TRIP11: variants seen among roughly 807,000 people sequenced by gnomAD.
TRIP11 encodes thyroid receptor-interacting protein 11.
TRIP11 carries 148 observed loss-of-function variants against 223.1 expected under a neutral mutation model. That is an observed-to-expected ratio of 0.66 (90% CI 0.58 to 0.76). The LOEUF (loss-of-function observed/expected upper bound fraction) is 0.76. TRIP11 is among the 30% of genes least tolerant of loss of function. The pLI is 0.00. For synonymous variants in TRIP11, 762 were observed against 772.6 expected (o/e 0.99, Z 0.23); for missense variants, 2,043 against 2,222.0 (o/e 0.92, Z 1.62).
chr14:92,013,324 T>C (rs531278945), intron 7 of TRIP11, among the ~76,000 whole-genome samples: 1 of 152,206 alleles, frequency 6.6e-6, no homozygotes, highest in South Asian at 2.1e-4. Context: ...CTAGACACTA[T>C]CCTAAAGAGC....
chr14:92,020,093 C>CA (rs2140135709), intron 4 of TRIP11, among the ~76,000 whole-genome samples: 1 of 151,718 alleles, frequency 6.6e-6, no homozygotes, highest in African/African-American at 2.4e-5. Flanking sequence ...ACTAAAAGTA[C>CA]AAAAAAACAT....
intron 2 of TRIP11, among the ~76,000 whole-genome samples, chr14:92,029,958 G>A (rs567447468): frequency 1.3e-3 from 203 of 152,160 alleles, no homozygotes; most frequent in Non-Finnish European, 2.0e-3. Flanking sequence ...AGCACTTTGG[G>A]AGGCCGAGGC....
At chr14:92,035,150 CA>C (rs372782885) in intron 1 of TRIP11, among the ~76,000 whole-genome samples, 32 of 134,300 alleles carry the variant, frequency 2.4e-4, no homozygotes, top group African/African-American at 2.5e-4. Context: ...ACTAAAAATA[CA>C]AAAAAAAAAA....
intron 3 of TRIP11, among the ~76,000 whole-genome samples, chr14:92,024,603 C>T (rs974441013): frequency 6.6e-6 from 1 of 152,142 alleles, no homozygotes; most frequent in South Asian, 2.1e-4. Context: ...GAAAGCATGA[C>T]ACCTAAATTT....
intron 6 of TRIP11, 113 bp downstream of exon 6, chr14:92,015,583 G>A (rs181509166): frequency 9.9e-6 from 8 of 808,438 alleles, no homozygotes; most frequent in East Asian, 3.0e-5. Flanking sequence ...GCTTGAACCC[G>A]GGGGGCGGAG....
At chr14:91,983,912 C>T (rs1306838245) in intron 16 of TRIP11, among the ~76,000 whole-genome samples, 1 of 152,116 alleles carries the variant, frequency 6.6e-6, no homozygotes, top group African/African-American at 2.4e-5. Flanking sequence ...AAAGGTAGTT[C>T]CACGAAAAAT....
intron 15 of TRIP11, among the ~76,000 whole-genome samples, chr14:91,993,353 G>C (rs1384094023): frequency 6.6e-6 from 1 of 151,616 alleles, no homozygotes; most frequent in Non-Finnish European, 1.5e-5. Context: ...GTGCACGCCT[G>C]TAATCCCAGC....
Position 91,969,876 on chromosome 14 carries a change from A to G in TRIP11, c.5737T>C (p.Ser1913Pro), listed in dbSNP as rs1322367591. Residue 1913 changes from serine to proline, a missense_variant, in exon 21 of 21, where the codon TCT becomes CCT. Physicochemically the swap from Ser to Pro is moderately conservative, Grantham distance 74. Coordinates refer to ENST00000267622, the MANE Select transcript of TRIP11 (RefSeq NM_004239.4). ...ESFKDTAESR[S>P]GRRTDVNPFL... ...GGATTTACATCTGTTCTTCTACCAGACCTGGATTCTGCTGTATCTAAAGAA... is the reference window on the plus strand; with the variant it reads ...GGATTTACATCTGTTCTTCTACCAGGCCTGGATTCTGCTGTATCTAAAGAA... 6.2e-7 allele frequency: 1 copy of G among 1,614,090 alleles called. No individual in the cohort carries two copies. The highest frequency in any genetic ancestry group is 8.5e-7 in the Non-Finnish European group (1 of 1,179,988).
chr14:92,026,536 C>T (rs557540871), intron 2 of TRIP11: 3 of 1,220,362 alleles, frequency 2.5e-6, no homozygotes, highest in South Asian at 2.4e-5. Flanking sequence ...CTTTTTAATC[C>T]CCTGCATCGG....
rs2140074048 is a variant in TRIP11 at position 91,966,528 on chromosome 14, C to A, written c.*3145G>T. The A allele has an allele frequency of 5.0e-6, 1 of 199,570 alleles. No homozygotes were observed. Among genetic ancestry groups the A allele is most frequent in the Non-Finnish European group, 1.0e-5 (1 of 96,606 alleles). The allele number at this position is 199,570 out of a possible 1,614,324, so 12.4% of individuals were successfully genotyped here. On this transcript the variant is annotated 3_prime_UTR_variant, in exon 21 of 21. Coordinates refer to ENST00000267622, the MANE Select transcript of TRIP11 (RefSeq NM_004239.4). Reference sequence around the variant, plus strand: ...TCCCTGAAGACATAGCTTTTCCCCCCATTGATTGGATAAGTATTTTGATAG... The same window carrying A: ...TCCCTGAAGACATAGCTTTTCCCCCAATTGATTGGATAAGTATTTTGATAG...
chr14:92,027,448 T>G (rs1042648453), intron 2 of TRIP11, among the ~76,000 whole-genome samples: 60 of 152,078 alleles, frequency 3.9e-4, no homozygotes, highest in African/African-American at 1.3e-3. Context: ...AAAGGTTTCT[T>G]TTTTTTCCTT....
chr14:91,999,895 T>A (rs192011055), intron 12 of TRIP11, 73 bp downstream of exon 12: 2 of 1,585,350 alleles, frequency 1.3e-6, no homozygotes, highest in East Asian at 4.5e-5. Context: ...TTTTCACTGA[T>A]CACCTTTCCA....
At chr14:92,012,680 A>C (rs1160865447) in intron 7 of TRIP11, among the ~76,000 whole-genome samples, 1 of 152,240 alleles carries the variant, frequency 6.6e-6, no homozygotes, top group African/African-American at 2.4e-5. Context: ...ATGCAAGGGT[A>C]ACAGAGTGAA....
chr14:91,971,271 G>A (rs1026341007), intron 20 of TRIP11, among the ~76,000 whole-genome samples: 1 of 152,152 alleles, frequency 6.6e-6, no homozygotes, highest in African/African-American at 2.4e-5. Context: ...TGTCAAATCT[G>A]CTTATCATTG....
chr14:92,003,839 G>A lies in TRIP11; in HGVS notation c.4137C>T (p.Ala1379=), dbSNP rs757389502. The part of the protein sequence containing the change: ...NNHRLSDSIA[A]TSELERKEHE... ...GTTCTTTTCTTTCTAGCTCTGAGGTGGCAGCAATCGAATCAGACAATCTGT... is the reference window on the plus strand; with the variant it reads ...GTTCTTTTCTTTCTAGCTCTGAGGTAGCAGCAATCGAATCAGACAATCTGT... Residue 1379 remains alanine, a synonymous_variant, in exon 11 of 21, where the codon GCC becomes GCT. Coordinates refer to ENST00000267622, the MANE Select transcript of TRIP11 (RefSeq NM_004239.4). The A allele has an allele frequency of 4.3e-6, 7 of 1,613,890 alleles. No individual in the cohort carries two copies. The South Asian group carries it at 7.7e-5, about 18-fold the overall frequency.
At chr14:92,029,282 T>TA (rs2057231074) in intron 2 of TRIP11, among the ~76,000 whole-genome samples, 10 of 15,256 alleles carry the variant, frequency 6.6e-4, no homozygotes, top group East Asian at 2.1e-3. Flanking sequence ...AAAGTATTAT[T>TA]TTTTTTTTTT....
chr14:91,983,965 T>C (rs951856888), intron 16 of TRIP11, among the ~76,000 whole-genome samples: 3 of 152,244 alleles, frequency 2.0e-5, no homozygotes, highest in Non-Finnish European at 2.9e-5. Flanking sequence ...AACATGTTTT[T>C]ATGCTTCATA....
At chr14:91,988,699 A>T (rs563753807) in intron 15 of TRIP11, among the ~76,000 whole-genome samples, 129 of 152,146 alleles carry the variant, frequency 8.5e-4, no homozygotes, top group Non-Finnish European at 1.5e-3. Context: ...GAAGTCCAGA[A>T]ATATAGCAAC....
chr14:91,968,370 A>T lies in TRIP11; in HGVS notation c.*1303T>A. ...TGATGGGTTTATGAAAAATTAAAGA[A>T]ATACTTTCTTAAGTTTCAAACATCT... On this transcript the variant is annotated 3_prime_UTR_variant, in exon 21 of 21. Coordinates refer to ENST00000267622, the MANE Select transcript of TRIP11 (RefSeq NM_004239.4). 1 of 205,768 alleles carries T rather than the reference A, an allele frequency of 4.9e-6. No individual in the cohort carries two copies. The highest frequency in any genetic ancestry group is 7.5e-5 in the East Asian group (1 of 13,412). The allele number at this position is 205,768 out of a possible 1,614,324, so 12.7% of individuals were successfully genotyped here.
Sources: allele counts gnomAD v4.1 joint callset (sites outside exome capture counted in the v4.1 genomes callset), GRCh38; gene constraint gnomAD v4.1.1; transcripts MANE v1.5; gene names NCBI Gene and HGNC (gene_info 2026-07-23, HGNC 2026-07-21).